Variants in TCP11L1 observed in about 807,000 individuals in gnomAD.
The protein encoded by TCP11L1 is T-complex protein 11-like protein 1.
Under a neutral mutation model 48.9 loss-of-function variants are expected in TCP11L1, and 28 were observed. The ratio of observed to expected loss-of-function variants is 0.57; its 90% CI spans 0.42 to 0.78. TCP11L1 has a LOEUF of 0.78. TCP11L1 is among the 30% of genes least tolerant of loss of function. The pLI is 0.00. For synonymous variants in TCP11L1, 204 were observed against 231.9 expected (o/e 0.88, Z 1.09); for missense variants, 505 against 613.4 (o/e 0.82, Z 1.87).
At chr11:33,042,657 G>T (rs1272636337) in intron 1 of TCP11L1, among the ~76,000 whole-genome samples, 1 of 152,204 alleles carries the variant, frequency 6.6e-6, no homozygotes. Context: ...TTTCTGTAGG[G>T]CGCAGTGGCT....
chr11:33,053,746 T>C (rs891176307), intron 2 of TCP11L1, among the ~76,000 whole-genome samples: 1 of 152,230 alleles, frequency 6.6e-6, no homozygotes, highest in Non-Finnish European at 1.5e-5. Flanking sequence ...CACAGTATCC[T>C]GTACAAGATA....
intron 7 of TCP11L1, among the ~76,000 whole-genome samples, chr11:33,065,182 C>T (rs759151171): frequency 1.3e-5 from 2 of 152,200 alleles, no homozygotes; most frequent in African/African-American, 2.4e-5. Flanking sequence ...TAGCATCTTT[C>T]TTCAGCTTTA....
At chr11:33,055,879 A>C (rs1302826551) in intron 3 of TCP11L1, among the ~76,000 whole-genome samples, 1 of 152,188 alleles carries the variant, frequency 6.6e-6, no homozygotes, top group Non-Finnish European at 1.5e-5. Flanking sequence ...GTACAGTGGC[A>C]TGATCTTGGC....
intron 6 of TCP11L1, 32 bp downstream of exon 6, chr11:33,059,127 T>G: frequency 6.2e-7 from 1 of 1,604,270 alleles, no homozygotes; most frequent in Non-Finnish European, 8.5e-7. Context: ...ACTTTTTTTG[T>G]TGTCTGTGGT....
intron 2 of TCP11L1, among the ~76,000 whole-genome samples, chr11:33,054,079 G>A (rs529606387): frequency 6.6e-6 from 1 of 152,272 alleles, no homozygotes; most frequent in African/African-American, 2.4e-5. Flanking sequence ...GCCTCCCAAA[G>A]TGCTAGCATT....
At position 33,066,002 on chromosome 11, in the gene TCP11L1, T is replaced by C. The variant is rs760680651; in HGVS notation, c.1145T>C (p.Met382Thr). The change falls in exon 8 of 10, where the codon ATG (methionine) becomes ACG (threonine). Residue 382 changes from methionine (M) to threonine (T), a missense_variant. Physicochemically the swap from Met to Thr is moderately conservative, Grantham distance 81 (BLOSUM62 -1). Transcript: ENST00000334274. Reference sequence around the variant, plus strand: ...ATTGTGAAGATTTTGCTAACAGATATGCACCTGCCGTAAGTGGAACTTTGA... The same window carrying C: ...ATTGTGAAGATTTTGCTAACAGATACGCACCTGCCGTAAGTGGAACTTTGA... ...KMIVKILLTD[M>T]HLPSFHLKDV... The C allele has an allele frequency of 5.0e-6, 8 of 1,613,722 alleles. No individual in the cohort carries two copies. Among genetic ancestry groups the C allele is most frequent in the African/African-American group, 1.3e-5 (1 of 74,918 alleles).
Position 33,072,883 on chromosome 11 carries a change from A to G in TCP11L1, c.*207A>G. The G allele has an allele frequency of 4.9e-6, 3 of 614,914 alleles. No individual in the cohort carries two copies. The South Asian group carries it at 6.1e-5, about 12-fold the overall frequency. The allele number at this position is 614,914 out of a possible 1,614,324, so 38.1% of individuals were successfully genotyped here. A position where few individuals can be genotyped will look rare whatever the true frequency, so the allele number is the denominator to read the frequency against. On this transcript the variant is annotated 3_prime_UTR_variant, in exon 10 of 10. Transcript: ENST00000334274. ...TTGAGAGATTGTATTTATGAGTGCA[A>G]GTTTACAAATCAAAGAAGCATTTTG...
intron 9 of TCP11L1, among the ~76,000 whole-genome samples, chr11:33,069,946 G>A (rs1280321623): frequency 6.6e-6 from 1 of 152,082 alleles, no homozygotes; most frequent in Non-Finnish European, 1.5e-5. Flanking sequence ...AGGCAGGAAA[G>A]TGCCTGTAAG....
At chr11:33,059,600 T>C (rs1854413728) in intron 6 of TCP11L1, among the ~76,000 whole-genome samples, 1 of 152,252 alleles carries the variant, frequency 6.6e-6, no homozygotes, top group Non-Finnish European at 1.5e-5. Context: ...AATCTAAAAC[T>C]ACGTTGTATT....
intron 2 of TCP11L1, among the ~76,000 whole-genome samples, chr11:33,051,393 T>TCCCG (rs1854156984): frequency 6.6e-6 from 1 of 151,772 alleles, no homozygotes; most frequent in Non-Finnish European, 1.5e-5. Context: ...GGTCTTGTTC[T>TCCCG]CCCGACCTTG....
intron 2 of TCP11L1, among the ~76,000 whole-genome samples, chr11:33,046,718 G>T (rs1590220918): frequency 6.6e-6 from 1 of 152,088 alleles, no homozygotes; most frequent in African/African-American, 2.4e-5. Context: ...CATCAGGTAA[G>T]GAAGCATTAT....
intron 2 of TCP11L1, among the ~76,000 whole-genome samples, chr11:33,048,316 C>T (rs1321927508): frequency 5.3e-4 from 80 of 151,994 alleles, no homozygotes; most frequent in Non-Finnish European, 5.9e-5. Flanking sequence ...TCTGAGTTGA[C>T]CTTACCATTT....
intron 2 of TCP11L1, among the ~76,000 whole-genome samples, chr11:33,049,680 G>C (rs185540390): frequency 6.6e-6 from 1 of 152,156 alleles, no homozygotes; most frequent in Non-Finnish European, 1.5e-5. Flanking sequence ...CAGTATTGCC[G>C]CTAGCACCTC....
chr11:33,056,970 T>C lies in TCP11L1; in HGVS notation c.297-145T>C. ...TTTTAAAATAAAGTATGCCCTCAGT[T>C]GAAGTATGCCTGGGAAATCTTTCCT... On this transcript the variant is annotated intron_variant, in intron 3 of 9. Coordinates refer to ENST00000334274, the MANE Select transcript of TCP11L1 (RefSeq NM_018393.4). The C allele has an allele frequency of 3.5e-6, 4 of 1,150,584 alleles. No individual in the cohort carries two copies. In the South Asian group the frequency reaches 4.6e-5, roughly 13 times the overall value. The allele number at this position is 1,150,584 out of a possible 1,614,324, so 71.3% of individuals were successfully genotyped here.
chr11:33,069,220 G>A lies in TCP11L1; in HGVS notation c.1327+361G>A, dbSNP rs187762829. Among the ~76,000 whole-genome samples the A allele has an allele frequency of 3.9e-3, 592 of 152,270 alleles. 1 individual carries two copies. The highest frequency in any genetic ancestry group is 6.4e-3 in the Non-Finnish European group (437 of 68,024). On this transcript the variant is annotated intron_variant, in intron 9 of 9. Coordinates refer to ENST00000334274, the MANE Select transcript of TCP11L1 (RefSeq NM_018393.4). Reference sequence around the variant, plus strand: ...GGGATGAGAAGGTGAAGCGCTTTCCGTAGTGCCTGGCAGCACATAGTAAGT... The same window carrying A: ...GGGATGAGAAGGTGAAGCGCTTTCCATAGTGCCTGGCAGCACATAGTAAGT...
intron 1 of TCP11L1, among the ~76,000 whole-genome samples, chr11:33,042,024 C>T (rs1171817259): frequency 2.6e-5 from 4 of 152,192 alleles, no homozygotes; most frequent in African/African-American, 9.6e-5. Flanking sequence ...TAATTATTTT[C>T]AGCAAATGCA....
chr11:33,045,438 C>T (rs910972500), intron 2 of TCP11L1, among the ~76,000 whole-genome samples: 2 of 151,678 alleles, frequency 1.3e-5, no homozygotes, highest in Admixed American at 6.6e-5. Context: ...ATCACTTGAG[C>T]TGGGGAAGTC....
At chr11:33,049,585 A>C (rs1854097733) in intron 2 of TCP11L1, among the ~76,000 whole-genome samples, 1 of 152,154 alleles carries the variant, frequency 6.6e-6, no homozygotes, top group African/African-American at 2.4e-5. Context: ...ACCTGTGAAC[A>C]AAGGTCTCTG....
Position 33,073,306 on chromosome 11 carries a change from A to G in TCP11L1, c.*630A>G, listed in dbSNP as rs1020950221. ...TTAAACATTCTTTTAACCTTCCCCCAAAGATACAGTTATTGGACTTTAAAA... is the reference window on the plus strand; with the variant it reads ...TTAAACATTCTTTTAACCTTCCCCCGAAGATACAGTTATTGGACTTTAAAA... On this transcript the variant is annotated 3_prime_UTR_variant, in exon 10 of 10. Transcript: ENST00000334274. 18 of 152,006 alleles carry G rather than the reference A, an allele frequency of 1.2e-4. No individual in the cohort carries two copies. Among genetic ancestry groups the G allele is most frequent in the African/African-American group, 4.1e-4 (17 of 41,264 alleles). 9.4% of individuals were successfully genotyped at this position (152,006 alleles called of 1,614,324 possible).
Sources: gnomAD v4.1 joint callset for allele counts (sites outside exome capture counted in the v4.1 genomes callset) on GRCh38, gnomAD v4.1.1 for gene constraint, MANE v1.5 for transcripts, NCBI Gene and HGNC (gene_info 2026-07-23, HGNC 2026-07-21) for gene names.